Variants in LAMC1 observed in about 807,000 individuals in gnomAD.
The protein encoded by LAMC1 is laminin subunit gamma-1.
Under a neutral mutation model 173.6 loss-of-function variants are expected in LAMC1, and 38 were observed. That is an observed-to-expected ratio of 0.22 (90% CI 0.17 to 0.29). LAMC1 has a LOEUF of 0.29. Ranked by LOEUF, LAMC1 falls within the 10% of genes least tolerant of loss-of-function variation. The pLI is 1.00. For synonymous variants in LAMC1, 746 were observed against 749.1 expected (o/e 1.00, Z 0.07); for missense variants, 1,824 against 2,051.8 (o/e 0.89, Z 2.14).
In LAMC1 at chr1:183,026,589, C is replaced by CT. The variant is rs1212349670; in HGVS notation, c.418+2456dup. On this transcript the variant is annotated intron_variant, in intron 1 of 27. Coordinates refer to ENST00000258341, the MANE Select transcript of LAMC1 (RefSeq NM_002293.4). ...TTTCCCATGAATTAAAGTACCGTGA[C>CT]TGTTTTGTGCATCTATTAAATCTCC... is the stretch of plus-strand genomic sequence containing the variant. 7.9e-5 allele frequency among the ~76,000 whole-genome samples: 12 copies of CT among 152,200 alleles called. No homozygotes were observed. The East Asian group carries it at 2.3e-3, about 29-fold the overall frequency.
In LAMC1 at chr1:183,110,666, A is replaced by G. The variant is rs1256263394; in HGVS notation, c.1021+12A>G. The G allele has an allele frequency of 3.1e-6, 5 of 1,612,656 alleles. No individual in the cohort carries two copies. The highest frequency in any genetic ancestry group is 4.2e-6 in the Non-Finnish European group (5 of 1,179,266). On this transcript the variant is annotated intron_variant, in intron 4 of 27. Coordinates refer to ENST00000258341, the MANE Select transcript of LAMC1 (RefSeq NM_002293.4). ...CAGTGAATGCCTGCGTGAGTGCCCC[A>G]TGACGTCAGTCTGTCAGTTGTCTTA...
In LAMC1 at chr1:183,095,394, T is replaced by G. The variant is rs540727782; in HGVS notation, c.419-7934T>G. Among the ~76,000 whole-genome samples the G allele has an allele frequency of 3.9e-5, 6 of 152,324 alleles. No individual in the cohort carries two copies. In the East Asian group the frequency reaches 1.2e-3, roughly 29 times the overall value. On this transcript the variant is annotated intron_variant, in intron 1 of 27. Coordinates refer to ENST00000258341, the MANE Select transcript of LAMC1 (RefSeq NM_002293.4). Reference sequence around the variant, plus strand: ...GATAAAAGCCAAACTATAGCCAGCTTTCAATAGTATATGAATATCACAGAA... The same window carrying G: ...GATAAAAGCCAAACTATAGCCAGCTGTCAATAGTATATGAATATCACAGAA...
chr1:183,115,659 A>G, intron 6 of LAMC1, 22 bp downstream of exon 6: 1 of 1,456,046 alleles, frequency 6.9e-7, no homozygotes, highest in Non-Finnish European at 9.7e-7. Context: ...TCAAAGCCAG[A>G]AGAAGGGGGC....
chr1:183,116,728 TA>T (rs201366456), intron 7 of LAMC1, 38 bp from the exon 8 acceptor site: 242 of 1,588,418 alleles, frequency 1.5e-4, no homozygotes, highest in African/African-American at 3.8e-4. Context: ...ATATTTCAAG[TA>T]AAAAAAAAGT....
chr1:183,118,266 C>A, intron 11 of LAMC1, 120 bp downstream of exon 11: 1 of 564,706 alleles, frequency 1.8e-6, no homozygotes, highest in Admixed American at 3.4e-5. Flanking sequence ...TAACAACTCA[C>A]ATTATACATG....
chr1:183,088,090 A>G (rs988714357), intron 1 of LAMC1, among the ~76,000 whole-genome samples: 2 of 152,188 alleles, frequency 1.3e-5, no homozygotes, highest in African/African-American at 4.8e-5. Context: ...GGCATGAGCC[A>G]CCACACCCAA....
rs983432044 is a variant in LAMC1, at chr1:183,092,460, C to A, written c.419-10868C>A. 1.3e-5 allele frequency among the ~76,000 whole-genome samples: 2 copies of A among 151,314 alleles called. 1 individual carries two copies. The highest frequency in any genetic ancestry group is 4.2e-4 in the South Asian group (2 of 4,802). ...AAAAAATACAGAGTTTGGGACCTCA[C>A]CCAAAACCTACCAAAATGAAACTTG... On this transcript the variant is annotated intron_variant, in intron 1 of 27. Transcript: ENST00000258341.
At chr1:183,028,641 G>A (rs566679507) in intron 1 of LAMC1, among the ~76,000 whole-genome samples, 1 of 152,282 alleles carries the variant, frequency 6.6e-6, no homozygotes, top group South Asian at 2.1e-4. Flanking sequence ...CGAGTCTCTC[G>A]AAAGAAAGTC....
At chr1:183,041,544 A>G (rs1463494248) in intron 1 of LAMC1, among the ~76,000 whole-genome samples, 12 of 152,188 alleles carry the variant, frequency 7.9e-5, no homozygotes, top group African/African-American at 2.7e-4. Context: ...GGGGTGCTAT[A>G]TTGTATTGTT....
intron 4 of LAMC1, among the ~76,000 whole-genome samples, chr1:183,113,286 C>A (rs6669199): frequency 0.52 from 78,600 of 151,958 alleles, 21,018 homozygotes; most frequent in South Asian, 0.65. Flanking sequence ...CACTGCACTC[C>A]AGAGTGAGAC....
chr1:183,132,343 A>T, intron 20 of LAMC1, 57 bp from the exon 21 acceptor site: 3 of 1,296,348 alleles, frequency 2.3e-6, no homozygotes, highest in Non-Finnish European at 3.2e-6. Context: ...CCTGAATTTT[A>T]CTTATGTCCC....
chr1:183,034,621 G>A (rs577029348), intron 1 of LAMC1, among the ~76,000 whole-genome samples: 1 of 152,338 alleles, frequency 6.6e-6, no homozygotes, highest in African/African-American at 2.4e-5. Flanking sequence ...GCATTTTGAA[G>A]AGTAGGGATT....
At chr1:183,133,612 C>T in intron 22 of LAMC1, 62 bp downstream of exon 22, 10 of 1,467,814 alleles carry the variant, frequency 6.8e-6, no homozygotes, top group South Asian at 2.8e-5. Flanking sequence ...ATGTGAGAGC[C>T]GACTGCTCTG....
In LAMC1 at chr1:183,119,795, C is replaced by T. The variant is rs574044344; in HGVS notation, c.1990+1649C>T. 3.3e-5 allele frequency among the ~76,000 whole-genome samples: 5 copies of T among 152,122 alleles called. No homozygotes were observed. In the East Asian group the frequency reaches 9.7e-4, roughly 29 times the overall value. On this transcript the variant is annotated intron_variant, in intron 11 of 27. Coordinates refer to ENST00000258341, the MANE Select transcript of LAMC1 (RefSeq NM_002293.4). ...GAAAAAGAATTTTAAGAAAGAGAAA[C>T]AATTAACAAGTTTAGGAAGCTAGCA...
chr1:183,060,937 A>G (rs963341755), intron 1 of LAMC1, among the ~76,000 whole-genome samples: 1 of 152,234 alleles, frequency 6.6e-6, no homozygotes, highest in East Asian at 1.9e-4. Context: ...GGCTTTGAAT[A>G]TGAAGCTGAC....
intron 1 of LAMC1, among the ~76,000 whole-genome samples, chr1:183,102,817 A>G (rs1171674497): frequency 6.6e-6 from 1 of 152,074 alleles, no homozygotes; most frequent in Non-Finnish European, 1.5e-5. Context: ...AAATGTCTGT[A>G]TCTTAACTTG....
intron 1 of LAMC1, among the ~76,000 whole-genome samples, chr1:183,080,795 A>C (rs576298876): frequency 6.6e-6 from 1 of 151,660 alleles, no homozygotes; most frequent in South Asian, 2.1e-4. Context: ...TTTTTTCAAC[A>C]CAGTCCTTGG....
At chr1:183,088,783 A>T (rs1470196481) in intron 1 of LAMC1, among the ~76,000 whole-genome samples, 3 of 152,210 alleles carry the variant, frequency 2.0e-5, no homozygotes, top group African/African-American at 7.2e-5. Flanking sequence ...GGAAAGATGG[A>T]TAGGGCTTGG....
chr1:183,133,537 CTG>C lies in LAMC1; in HGVS notation c.3837_3838del (p.Glu1280AspfsTer5). ...GTGGCTCAGCTGAGCCCTTTGGACT[CTG>C]AGACACTGGAGGTATGGGGGCAGCC... is the stretch of plus-strand genomic sequence containing the variant. On this transcript the variant is annotated frameshift_variant, in exon 22 of 28. Transcript: ENST00000258341. LOFTEE classifies it high-confidence loss of function. The C allele has an allele frequency of 6.2e-7, 1 of 1,612,220 alleles. No individual in the cohort carries two copies. Among genetic ancestry groups the C allele is most frequent in the Non-Finnish European group, 8.5e-7 (1 of 1,178,880 alleles).
Sources: gnomAD v4.1 joint callset for allele counts (sites outside exome capture counted in the v4.1 genomes callset) on GRCh38, gnomAD v4.1.1 for gene constraint, MANE v1.5 for transcripts, NCBI Gene and HGNC (gene_info 2026-07-23, HGNC 2026-07-21) for gene names.